The following UGT1A9 variants were observed in gnomAD, a reference collection of about 807,000 sequenced individuals.
The protein encoded by UGT1A9 is UDP glucuronosyltransferase family 1 member A9.
UGT1A9 carries 35 observed loss-of-function variants against 45.0 expected under a neutral mutation model. That is an observed-to-expected ratio of 0.78 (90% CI 0.59 to 1.03). UGT1A9 has a LOEUF of 1.03. UGT1A9 is among the 50% of genes least tolerant of loss of function. The pLI, the probability that UGT1A9 is intolerant of heterozygous loss-of-function variation, is 0.00. For missense variants in UGT1A9, 687 were observed against 666.6 expected (o/e 1.03, Z -0.34); for synonymous variants, 278 against 250.6 (o/e 1.11, Z -1.03).
Position 233,757,560 on chromosome 2 carries a change from A to ATATATG in UGT1A9, c.856-9473_856-9472insATATGT, listed in dbSNP as rs904896556. On this transcript the variant is annotated intron_variant, in intron 1 of 4. Transcript: ENST00000354728. The stretch of plus-strand genomic sequence containing the variant: ...AATATATATATATATATATATATAT[A>ATATATG]TGTATATATGATATAGCTATAGTCT... 7.5e-3 allele frequency among the ~76,000 whole-genome samples: 922 copies of ATATATG among 123,150 alleles called. 38 individuals are homozygous for ATATATG. The highest frequency in any genetic ancestry group is 0.029 in the African/African-American group (852 of 29,358). 80.8% of individuals were successfully genotyped at this position (123,150 alleles called of 152,430 possible).
chr2:233,720,478 G>A (rs1452350529), intron 1 of UGT1A9, among the ~76,000 whole-genome samples: 1 of 152,164 alleles, frequency 6.6e-6, no homozygotes, highest in African/African-American at 2.4e-5. Flanking sequence ...GAATGGACAT[G>A]TGTCCAAGAA....
intron 1 of UGT1A9, among the ~76,000 whole-genome samples, chr2:233,677,365 C>A (rs1190302695): frequency 6.6e-6 from 1 of 152,060 alleles, no homozygotes; most frequent in Non-Finnish European, 1.5e-5. Flanking sequence ...ATGAAGGGGA[C>A]CAACCCGTGT....
intron 1 of UGT1A9, among the ~76,000 whole-genome samples, chr2:233,695,531 T>C (rs988065073): frequency 7.9e-5 from 12 of 152,050 alleles, no homozygotes; most frequent in Admixed American, 7.9e-4. Flanking sequence ...TTCTTTTTTC[T>C]TTTTCTTTTT....
chr2:233,721,740 G>C lies in UGT1A9; in HGVS notation c.856-45294G>C, dbSNP rs151279989. 5 of 432,164 alleles carry C rather than the reference G, an allele frequency of 1.2e-5. No individual in the cohort carries two copies. The East Asian group carries it at 1.9e-4, about 16-fold the overall frequency. The allele number at this position is 432,164 out of a possible 1,614,324, so 26.8% of individuals were successfully genotyped here. ...TGTTTACTTGGATAAGCTTAATGAT[G>C]AGAGAATCTACATCTAAATTGTTAT... On this transcript the variant is annotated intron_variant, in intron 1 of 4. Coordinates refer to ENST00000354728, the MANE Select transcript of UGT1A9 (RefSeq NM_021027.3).
intron 1 of UGT1A9, among the ~76,000 whole-genome samples, chr2:233,677,468 A>C (rs1197575187): frequency 6.6e-6 from 1 of 152,350 alleles, no homozygotes; most frequent in Admixed American, 6.5e-5. Flanking sequence ...TACCATAAAC[A>C]GTCAATTAAC....
chr2:233,680,793 C>T (rs1420831163), intron 1 of UGT1A9, among the ~76,000 whole-genome samples: 1 of 152,072 alleles, frequency 6.6e-6, no homozygotes, highest in Non-Finnish European at 1.5e-5. Flanking sequence ...GGGGTGGGCC[C>T]ATAGCAAAGG....
intron 1 of UGT1A9, among the ~76,000 whole-genome samples, chr2:233,701,051 A>C (rs2075606914): frequency 6.6e-6 from 1 of 152,170 alleles, no homozygotes; most frequent in African/African-American, 2.4e-5. Context: ...ACATGAACTC[A>C]TAATTTTTTA....
intron 1 of UGT1A9, chr2:233,692,488 G>A: frequency 6.0e-6 from 1 of 166,024 alleles, no homozygotes; most frequent in East Asian, 1.9e-4. Flanking sequence ...GGGCAGTCTT[G>A]TAGGACTGAG....
chr2:233,672,451 C>G lies in UGT1A9; in HGVS notation c.517C>G (p.Leu173Val), dbSNP rs756268020. ...LPSVVFARGILCHYLEEGAQC... is the reference protein window; with the variant it reads ...LPSVVFARGIVCHYLEEGAQC... ...CTCCGTGGTCTTCGCCAGGGGAATA[C>G]TTTGCCACTATCTTGAAGAAGGTGC... is the stretch of plus-strand genomic sequence containing the variant. The change falls in exon 1 of 5, where the codon CTT (leucine) becomes GTT (valine). Residue 173 changes from leucine (L) to valine (V), a missense_variant. Coordinates refer to ENST00000354728, the MANE Select transcript of UGT1A9 (RefSeq NM_021027.3). The G allele has an allele frequency of 1.9e-6, 3 of 1,613,942 alleles. No homozygotes were observed. Among genetic ancestry groups the G allele is most frequent in the Non-Finnish European group, 8.5e-7 (1 of 1,179,860 alleles).
chr2:233,743,773 C>T (rs367921172), intron 1 of UGT1A9: 3 of 1,367,248 alleles, frequency 2.2e-6, no homozygotes, highest in Non-Finnish European at 2.0e-6. Flanking sequence ...CCTCGGCCAC[C>T]TGCTTGAATC....
chr2:233,745,923 C>T (rs922725968), intron 1 of UGT1A9, among the ~76,000 whole-genome samples: 1 of 151,246 alleles, frequency 6.6e-6, no homozygotes, highest in Non-Finnish European at 1.5e-5. Flanking sequence ...GGCAGTGATT[C>T]AGAAGGGACA....
At chr2:233,693,674 T>C in intron 1 of UGT1A9, 2 of 1,614,236 alleles carry the variant, frequency 1.2e-6, no homozygotes, top group Non-Finnish European at 1.7e-6. Flanking sequence ...TCTATTTTAT[T>C]GTCTGTTTTC....
At chr2:233,705,062 G>C (rs1438271390) in intron 1 of UGT1A9, among the ~76,000 whole-genome samples, 1 of 151,992 alleles carries the variant, frequency 6.6e-6, no homozygotes, top group African/African-American at 2.4e-5. Flanking sequence ...CTTGAACCCG[G>C]GAGGCGGAGG....
At chr2:233,700,836 AG>A (rs1445397455) in intron 1 of UGT1A9, among the ~76,000 whole-genome samples, 2 of 152,118 alleles carry the variant, frequency 1.3e-5, no homozygotes, top group Non-Finnish European at 2.9e-5. Flanking sequence ...CTCGTCATTT[AG>A]CATTAGGTAT....
At chr2:233,687,151 T>G (rs989415862) in intron 1 of UGT1A9, among the ~76,000 whole-genome samples, 1 of 152,198 alleles carries the variant, frequency 6.6e-6, no homozygotes, top group African/African-American at 2.4e-5. Flanking sequence ...TGATAATACA[T>G]GCAGATGACT....
At chr2:233,754,243 C>T (rs1695428431) in intron 1 of UGT1A9, 1 of 170,446 alleles carries the variant, frequency 5.9e-6, no homozygotes. Flanking sequence ...CTCACACTTT[C>T]CCAACGGAAA....
At chr2:233,698,537 C>T (rs1177277772) in intron 1 of UGT1A9, among the ~76,000 whole-genome samples, 3 of 152,152 alleles carry the variant, frequency 2.0e-5, no homozygotes, top group Admixed American at 6.5e-5. Context: ...GTAAACAGAA[C>T]ACGAGTGGCC....
chr2:233,760,116 A>G lies in UGT1A9; in HGVS notation c.856-6918A>G. 2.4e-6 allele frequency: 3 copies of G among 1,260,492 alleles called. No homozygotes were observed. In the South Asian group the frequency reaches 4.7e-5, roughly 20 times the overall value. The allele number at this position is 1,260,492 out of a possible 1,614,324, so 78.1% of individuals were successfully genotyped here. ...GTTGTTGCCTATTAAGAAACCTAATAAAGCTCCACCTTCTTTATCTCTGAA... is the reference window on the plus strand; with the variant it reads ...GTTGTTGCCTATTAAGAAACCTAATGAAGCTCCACCTTCTTTATCTCTGAA... On this transcript the variant is annotated intron_variant, in intron 1 of 4. Transcript: ENST00000354728.
At chr2:233,706,737 A>G (rs2075921386) in intron 1 of UGT1A9, among the ~76,000 whole-genome samples, 1 of 152,172 alleles carries the variant, frequency 6.6e-6, no homozygotes, top group Non-Finnish European at 1.5e-5. Context: ...GTTGACAGTG[A>G]CTGTGAAGCA....
Sources: allele counts gnomAD v4.1 joint callset (sites outside exome capture counted in the v4.1 genomes callset), GRCh38; gene constraint gnomAD v4.1.1; transcripts MANE v1.5; gene names NCBI Gene and HGNC (gene_info 2026-07-23, HGNC 2026-07-21).